Variants in ANK2 observed in about 807,000 individuals in gnomAD.
ANK2 encodes the protein ankyrin-2.
ANK2 carries 83 observed loss-of-function variants against 360.5 expected under a neutral mutation model. The ratio of observed to expected loss-of-function variants is 0.23; its 90% CI spans 0.19 to 0.28. The LOEUF is 0.28. ANK2 is among the 10% of genes least tolerant of loss of function. The pLI, the probability that ANK2 is intolerant of heterozygous loss-of-function variation, is 1.00. For synonymous variants in ANK2, 1,740 were observed against 1,759.5 expected, an observed-to-expected ratio of 0.99 and a Z score of 0.28; for missense variants, 4,201 against 4,795.7, an observed-to-expected ratio of 0.88 and a Z score of 3.66.
At chr4:113,315,503 C>A (rs2082255020) in intron 24 of ANK2, among the ~76,000 whole-genome samples, 1 of 152,140 alleles carries the variant, frequency 6.6e-6, no homozygotes, top group Admixed American at 6.5e-5. Flanking sequence ...GACGGTTGAG[C>A]CCATAGAACA....
intron 13 of ANK2, among the ~76,000 whole-genome samples, chr4:113,262,816 C>T (rs771909891): frequency 1.3e-4 from 19 of 151,714 alleles, no homozygotes; most frequent in Non-Finnish European, 2.4e-4. Context: ...CTTGAGCATC[C>T]ATGTATTTTG....
chr4:113,328,056 T>A (rs1309975619), intron 26 of ANK2, among the ~76,000 whole-genome samples: 2 of 152,194 alleles, frequency 1.3e-5, no homozygotes, highest in African/African-American at 2.4e-5. Context: ...CCATCGAGGC[T>A]CCATGTTATA....
intron 41 of ANK2, 130 bp from the exon 42 acceptor site, chr4:113,367,436 C>A (rs2096576545): frequency 8.4e-6 from 7 of 832,278 alleles, no homozygotes; most frequent in Admixed American, 2.2e-5. Context: ...TCTTTGTAAT[C>A]CATGGGCCCA....
intron 1 of ANK2, among the ~76,000 whole-genome samples, chr4:112,822,905 A>T (rs1157833762): frequency 1.3e-5 from 2 of 152,202 alleles, no homozygotes; most frequent in African/African-American, 4.8e-5. Context: ...TAGAACAAAT[A>T]TATAGAACAT....
intron 1 of ANK2, chr4:113,106,881 T>A (rs774481038): frequency 9.4e-6 from 5 of 533,300 alleles, no homozygotes; most frequent in Admixed American, 7.8e-5. Context: ...GGATCAATTA[T>A]AGGAGTGAAA....
chr4:112,861,237 C>A (rs1211897555), intron 1 of ANK2, among the ~76,000 whole-genome samples: 1 of 152,202 alleles, frequency 6.6e-6, no homozygotes, highest in African/African-American at 2.4e-5. Context: ...CTGGGCTACA[C>A]TCAAGCTCTT....
At chr4:112,823,506 T>C (rs747658881) in intron 1 of ANK2, among the ~76,000 whole-genome samples, 57 of 149,922 alleles carry the variant, frequency 3.8e-4, no homozygotes, top group Admixed American at 2.7e-4. Context: ...GGTCCTAGTA[T>C]GAACAGACAG....
intron 2 of ANK2, among the ~76,000 whole-genome samples, chr4:112,972,304 T>C (rs1225940565): frequency 6.6e-6 from 1 of 152,166 alleles, no homozygotes; most frequent in African/African-American, 2.4e-5. Flanking sequence ...TTTTAAGCCC[T>C]GCATGCATTA....
chr4:113,358,078 G>T lies in ANK2; in HGVS notation c.9460G>T (p.Ala3154Ser), dbSNP rs551858840. The change falls in exon 38 of 46, where the codon GCT becomes TCT. Residue 3154 changes from alanine to serine, a missense_variant. Coordinates refer to ENST00000357077, the MANE Select transcript of ANK2 (RefSeq NM_001148.6). ...SEDVKEGATG[A>S]DPLPLETSAE... The stretch of plus-strand genomic sequence containing the variant: ...AGATGTGAAAGAAGGGGCTACTGGG[G>T]CTGATCCCCTACCGCTGGAGACATC... 6.2e-7 allele frequency: 1 copy of T among 1,614,054 alleles called. No individual in the cohort carries two copies. Among genetic ancestry groups the T allele is most frequent in the South Asian group, 1.1e-5 (1 of 91,082 alleles).
chr4:113,226,779 T>A (rs1383621682), intron 4 of ANK2, among the ~76,000 whole-genome samples: 1 of 152,112 alleles, frequency 6.6e-6, no homozygotes, highest in Non-Finnish European at 1.5e-5. Flanking sequence ...ACAGGAGTAA[T>A]GTTCAAAATA....
intron 17 of ANK2, among the ~76,000 whole-genome samples, chr4:113,282,018 CT>C (rs1293841654): frequency 6.6e-6 from 1 of 152,214 alleles, no homozygotes; most frequent in Non-Finnish European, 1.5e-5. Flanking sequence ...ACCTAGCACA[CT>C]GCTCGGCATA....
rs146698120 is a variant in ANK2, at chr4:113,040,592, C to A, written c.22-133824C>A. On this transcript the variant is annotated intron_variant, in intron 2 of 30. Coordinates refer to the ANK2 transcript ENST00000503271. ...TTTACATCAGACACAAAGATCTTTC[C>A]TCCCTTAATCATTCACTGAGGGGAG... Among the ~76,000 whole-genome samples, 908 of 152,196 alleles carry A rather than the reference C, an allele frequency of 6.0e-3. 8 individuals are homozygous for A. The highest frequency in any genetic ancestry group is 0.021 in the African/African-American group (862 of 41,558).
intron 1 of ANK2, among the ~76,000 whole-genome samples, chr4:112,874,302 C>G (rs576792375): frequency 2.5e-4 from 36 of 141,786 alleles, no homozygotes; most frequent in Non-Finnish European, 5.1e-4. Flanking sequence ...AGGCTGGTGT[C>G]GAACTCATGA....
the ANK2 span, among the ~76,000 whole-genome samples, chr4:112,708,443 T>C: frequency 6.6e-6 from 1 of 152,200 alleles, no homozygotes; most frequent in Admixed American, 6.5e-5. Context: ...AATTATATAA[T>C]GGAAATTTAG....
At chr4:112,772,521 C>G in the ANK2 span, among the ~76,000 whole-genome samples, 1 of 152,072 alleles carries the variant, frequency 6.6e-6, no homozygotes, top group Non-Finnish European at 1.5e-5. Flanking sequence ...TCAGCCATTC[C>G]TTACTGGAGA....
intron 2 of ANK2, among the ~76,000 whole-genome samples, chr4:112,957,209 G>A (rs1047576902): frequency 1.3e-5 from 2 of 151,210 alleles, no homozygotes; most frequent in Admixed American, 6.6e-5. Context: ...AGGGAGTGGT[G>A]ATGACTCTTA....
chr4:113,014,302 T>C (rs2055786039), intron 2 of ANK2, among the ~76,000 whole-genome samples: 1 of 152,256 alleles, frequency 6.6e-6, no homozygotes, highest in Non-Finnish European at 1.5e-5. Context: ...AAGTATGTAC[T>C]AGGCACTGTT....
chr4:113,276,779 G>A (rs1051704326), intron 15 of ANK2, among the ~76,000 whole-genome samples: 5 of 152,206 alleles, frequency 3.3e-5, no homozygotes, highest in Admixed American at 1.3e-4. Context: ...TGGAGACACC[G>A]AAAGGGCAAT....
chr4:113,311,769 T>C (rs1175399171), intron 24 of ANK2, among the ~76,000 whole-genome samples: 11 of 152,214 alleles, frequency 7.2e-5, no homozygotes, highest in Non-Finnish European at 1.5e-4. Flanking sequence ...ACAGACACTT[T>C]GGATACTCTT....
Sources: gnomAD v4.1 joint callset for allele counts (sites outside exome capture counted in the v4.1 genomes callset) on GRCh38, gnomAD v4.1.1 for gene constraint, MANE v1.5 for transcripts, NCBI Gene and HGNC (gene_info 2026-07-23, HGNC 2026-07-21) for gene names.